The following TIAM2 variants were observed in gnomAD, a reference collection of about 807,000 sequenced individuals.
TIAM2 encodes the protein rho guanine nucleotide exchange factor TIAM2.
In TIAM2, 80 loss-of-function variants were observed where a neutral mutation model predicts 152.9. The observed-to-expected ratio is 0.52, with a 90% CI of 0.44 to 0.63. The LOEUF is 0.63. TIAM2 is among the 30% of genes least tolerant of loss of function. The pLI, the probability that TIAM2 is intolerant of heterozygous loss-of-function variation, is 0.00. For synonymous variants in TIAM2, 804 were observed against 838.0 expected (o/e 0.96, Z 0.70); for missense variants, 1,965 against 2,120.1 (o/e 0.93, Z 1.44).
At chr6:155,043,207 C>T (rs1160222270) in intron 1 of TIAM2, among the ~76,000 whole-genome samples, 1 of 152,128 alleles carries the variant, frequency 6.6e-6, no homozygotes, top group East Asian at 1.9e-4. Context: ...GCCCTCTGTG[C>T]CTTCCACAGA....
chr6:155,248,188 G>A lies in TIAM2; in HGVS notation c.3832+9G>A, dbSNP rs757547393. On this transcript the variant is annotated intron_variant, in intron 20 of 26. Transcript: ENST00000682666. Reference sequence around the variant, plus strand: ...GCACTACCACCTGACGGGTGAGGCGGCGGCGGCACCTCCGGGCGAGGGCCT... The same window carrying A: ...GCACTACCACCTGACGGGTGAGGCGACGGCGGCACCTCCGGGCGAGGGCCT... 3.1e-6 allele frequency: 5 copies of A among 1,611,534 alleles called. No homozygotes were observed. Among genetic ancestry groups the A allele is most frequent in the African/African-American group, 2.7e-5 (2 of 75,034 alleles).
intron 8 of TIAM2, 135 bp from the exon 9 acceptor site, chr6:155,165,128 C>G (rs991439028): frequency 9.8e-6 from 9 of 916,030 alleles, no homozygotes; most frequent in East Asian, 2.7e-5. Context: ...GGATGCTTTC[C>G]TGGTATTTCA....
At chr6:155,249,577 G>C (rs769317667) in intron 20 of TIAM2, among the ~76,000 whole-genome samples, 1 of 152,212 alleles carries the variant, frequency 6.6e-6, no homozygotes, top group Non-Finnish European at 1.5e-5. Flanking sequence ...AGTAGAAAGT[G>C]CTCCAGAAAT....
At chr6:155,104,100 G>A (rs1157010069) in intron 2 of TIAM2, among the ~76,000 whole-genome samples, 3 of 124,650 alleles carry the variant, frequency 2.4e-5, no homozygotes, top group African/African-American at 3.1e-5. Flanking sequence ...GGGAATTCCC[G>A]TGTTTTGTGT....
In TIAM2 at chr6:155,183,262, G is replaced by A. The variant is rs753604699; in HGVS notation, c.2826G>A (p.Met942Ile). The change falls in exon 14 of 27, where the codon ATG (methionine) becomes ATA (isoleucine). Residue 942 changes from methionine (M) to isoleucine (I), a missense_variant. By Grantham distance (10) the Met-to-Ile change is conservative. This residue lies in a region of TIAM2 where 935 missense variants were observed against 980.0 expected (regional missense o/e 0.95). Transcript: ENST00000682666. ...GGCTGAGAAAGGGCAATGAGATCATGACCTTAAATGGGGAAGCTGTGTCTG... is the reference window on the plus strand; with the variant it reads ...GGCTGAGAAAGGGCAATGAGATCATAACCTTAAATGGGGAAGCTGTGTCTG... The part of the protein sequence containing the change: ...GEGLRKGNEI[M>I]TLNGEAVSDL... 2 of 1,614,026 alleles carry A rather than the reference G, an allele frequency of 1.2e-6. No individual in the cohort carries two copies. The highest frequency in any genetic ancestry group is 8.5e-7 in the Non-Finnish European group (1 of 1,180,036).
At chr6:155,058,859 A>T (rs1176049108) in intron 1 of TIAM2, among the ~76,000 whole-genome samples, 1 of 152,226 alleles carries the variant, frequency 6.6e-6, no homozygotes, top group Non-Finnish European at 1.5e-5. Flanking sequence ...AGTTAGGAAT[A>T]TACAATATGA....
intron 14 of TIAM2, among the ~76,000 whole-genome samples, chr6:155,201,085 C>T (rs1266112095): frequency 1.3e-5 from 2 of 152,158 alleles, no homozygotes; most frequent in Admixed American, 1.3e-4. Flanking sequence ...TCATGTCTGG[C>T]TCCTTTCACT....
Position 155,137,447 on chromosome 6 carries a change from T to G in TIAM2, c.1465T>G (p.Ser489Ala). The G allele has an allele frequency of 6.2e-7, 1 of 1,614,022 alleles. No individual in the cohort carries two copies. The highest frequency in any genetic ancestry group is 8.5e-7 in the Non-Finnish European group (1 of 1,180,002). Residue 489 changes from serine to alanine, a missense_variant, in exon 5 of 27, where the codon TCA becomes GCA. Transcript: ENST00000682666. ...STETAESSSESLSSLEQLDLL... is the reference protein window; with the variant it reads ...STETAESSSEALSSLEQLDLL... ...AGAAACCGCCGAGTCCAGCAGCGAGTCACTCAGCTCTCTGGAACAGCTGGA... is the reference window on the plus strand; with the variant it reads ...AGAAACCGCCGAGTCCAGCAGCGAGGCACTCAGCTCTCTGGAACAGCTGGA...
intron 1 of TIAM2, among the ~76,000 whole-genome samples, chr6:155,037,082 A>T (rs1358394724): frequency 6.6e-6 from 1 of 152,170 alleles, no homozygotes; most frequent in Admixed American, 6.5e-5. Flanking sequence ...CATTCTTCTA[A>T]GCTGCCTTGG....
intron 1 of TIAM2, among the ~76,000 whole-genome samples, chr6:154,997,614 G>C (rs1026758974): frequency 2.7e-5 from 4 of 147,170 alleles, no homozygotes; most frequent in African/African-American, 5.0e-5. Context: ...CCGTGAACGA[G>C]TGAAGAAAGA....
At position 155,130,342 on chromosome 6, in the gene TIAM2, G is replaced by A. The variant is rs114815467; in HGVS notation, c.1119G>A (p.Lys373=). ...PKAFVEDTAK[K]DSLKARMRRI... ...CCTTTGTTGAGGATACTGCGAAGAA[G>A]GACTCCCTCAAAGCCAGGATGCGAC... Residue 373 remains lysine, a synonymous_variant, in exon 4 of 27, where the codon AAG becomes AAA. Coordinates refer to ENST00000682666, the MANE Select transcript of TIAM2 (RefSeq NM_012454.4). The A allele has an allele frequency of 6.2e-7, 1 of 1,614,050 alleles. No individual in the cohort carries two copies. Among genetic ancestry groups the A allele is most frequent in the Non-Finnish European group, 8.5e-7 (1 of 1,180,034 alleles).
chr6:155,209,907 T>C (rs1781681325), intron 14 of TIAM2, among the ~76,000 whole-genome samples: 1 of 152,168 alleles, frequency 6.6e-6, no homozygotes, highest in Non-Finnish European at 1.5e-5. Flanking sequence ...TTCTAAAGGT[T>C]CTCCAGAAAC....
intron 14 of TIAM2, among the ~76,000 whole-genome samples, chr6:155,198,804 G>A (rs1248602977): frequency 6.6e-6 from 1 of 152,108 alleles, no homozygotes; most frequent in Non-Finnish European, 1.5e-5. Context: ...TCTGATGCAA[G>A]GGAATGGTGC....
chr6:155,183,423 A>T lies in TIAM2; in HGVS notation c.2987A>T (p.Lys996Met). ...SDSDLFSRDQ[K>M]SLLPPPNQSQ... ...AGTGACCTGTTCTCCAGGGACCAGA[A>T]GAGTCTGCTGCCCCCTCCTAACCAG... The change falls in exon 14 of 27, where the codon AAG becomes ATG. Residue 996 changes from lysine to methionine, a missense_variant. Physicochemically the swap from Lys to Met is moderately conservative, Grantham distance 95. Transcript: ENST00000682666. The T allele has an allele frequency of 6.2e-7, 1 of 1,614,170 alleles. No homozygotes were observed. Among genetic ancestry groups the T allele is most frequent in the Non-Finnish European group, 8.5e-7 (1 of 1,180,018 alleles).
chr6:155,228,609 C>T (rs1782328495), intron 15 of TIAM2, among the ~76,000 whole-genome samples: 1 of 152,118 alleles, frequency 6.6e-6, no homozygotes, highest in African/African-American at 2.4e-5. Context: ...ACAGATTAGC[C>T]TTAAGGGTAG....
At chr6:155,250,291 CTTT>C (rs11320509) in intron 21 of TIAM2, among the ~76,000 whole-genome samples, 26 of 133,690 alleles carry the variant, frequency 1.9e-4, no homozygotes, top group Non-Finnish European at 1.9e-4. Context: ...TTGATTTTGC[CTTT>C]TTTTTTTTTT....
At position 155,077,250 on chromosome 6, in the gene TIAM2, A is replaced by G. The variant is rs530561485; in HGVS notation, c.-208-13039A>G. Among the ~76,000 whole-genome samples the G allele has an allele frequency of 1.7e-3, 260 of 152,030 alleles. 4 individuals are homozygous for G. Among genetic ancestry groups the G allele is most frequent in the Middle Eastern group, 0.014 (4 of 294 alleles). On this transcript the variant is annotated intron_variant, in intron 1 of 26. Transcript: ENST00000682666. ...TTAGGCTCAGCTCAGAAAAGGATCTATAATAACTTGACCATTCAGAAGACT... is the reference window on the plus strand; with the variant it reads ...TTAGGCTCAGCTCAGAAAAGGATCTGTAATAACTTGACCATTCAGAAGACT...
chr6:155,064,381 C>T (rs1777645654), intron 1 of TIAM2, among the ~76,000 whole-genome samples: 1 of 152,190 alleles, frequency 6.6e-6, no homozygotes, highest in African/African-American at 2.4e-5. Context: ...CACACAATCT[C>T]ATAAACGTGG....
Position 155,068,607 on chromosome 6 carries a change from C to CCA in TIAM2, c.-208-21681_-208-21680insAC, listed in dbSNP as rs1554228061. ...AGCTGGGATTACAGGCACCCGCCCC[C>CCA]CCATCACGTCTGGCTAATTTTTGTA... On this transcript the variant is annotated intron_variant, in intron 1 of 26. Coordinates refer to ENST00000682666, the MANE Select transcript of TIAM2 (RefSeq NM_012454.4). Among the ~76,000 whole-genome samples the CCA allele has an allele frequency of 1.8e-3, 268 of 150,518 alleles. 2 individuals are homozygous for CCA. The highest frequency in any genetic ancestry group is 6.1e-3 in the African/African-American group (252 of 41,250).
Sources: allele counts gnomAD v4.1 joint callset (sites outside exome capture counted in the v4.1 genomes callset), GRCh38; gene constraint gnomAD v4.1.1; regional missense constraint gnomAD v4.1.1; transcripts MANE v1.5; gene names NCBI Gene and HGNC (gene_info 2026-07-23, HGNC 2026-07-21).